AKAP13: variants seen among roughly 807,000 people sequenced by gnomAD.
AKAP13 encodes A-kinase anchor protein 13.
A neutral mutation model predicts 264.5 loss-of-function variants in AKAP13; 80 were observed. That is an observed-to-expected ratio of 0.30 (90% CI 0.25 to 0.36). The LOEUF is 0.36. Ranked by LOEUF, AKAP13 falls within the 10% of genes least tolerant of loss-of-function variation. The pLI is 1.00. For synonymous variants in AKAP13, 1,380 were observed against 1,250.2 expected (o/e 1.10, Z -2.19); for missense variants, 3,712 against 3,435.2 (o/e 1.08, Z -2.01).
intron 6 of AKAP13, 45 bp from the exon 7 acceptor site, chr15:85,578,885 T>C (rs2079104014): frequency 8.9e-6 from 14 of 1,571,190 alleles, no homozygotes; most frequent in Non-Finnish European, 1.2e-5. Context: ...AGTGACATCT[T>C]CTCCTACAGG....
rs2076476145 is a variant in AKAP13, at chr15:85,512,813, T to TATG, written c.34-8615_34-8614insATG. On this transcript the variant is annotated intron_variant, in intron 2 of 36. Coordinates refer to ENST00000394518, the MANE Select transcript of AKAP13 (RefSeq NM_007200.5). ...CATGCTCCTACAGTGTTGACTATTT[T>TATG]TATGTATGTATGTATGTATGTATGT... Among the ~76,000 whole-genome samples the TATG allele has an allele frequency of 4.8e-5, 7 of 145,746 alleles. 1 individual carries two copies. Among genetic ancestry groups the TATG allele is most frequent in the Non-Finnish European group, 1.0e-4 (7 of 66,846 alleles).
At chr15:85,453,200 G>A (rs908438429) in intron 1 of AKAP13, among the ~76,000 whole-genome samples, 3 of 152,192 alleles carry the variant, frequency 2.0e-5, no homozygotes, top group Non-Finnish European at 4.4e-5. Context: ...TTCCACAGTA[G>A]AGTCAGTGGC....
chr15:85,521,057 C>A (rs1179876361), intron 2 of AKAP13, among the ~76,000 whole-genome samples: 1 of 151,950 alleles, frequency 6.6e-6, no homozygotes. Context: ...TTTATTATAC[C>A]CCCTCCATCC....
intron 1 of AKAP13, among the ~76,000 whole-genome samples, chr15:85,419,554 A>G (rs1303091021): frequency 6.6e-6 from 1 of 152,212 alleles, no homozygotes; most frequent in Admixed American, 6.5e-5. Flanking sequence ...TAAGAGTGAA[A>G]GATTCTTGGT....
chr15:85,662,971 A>G (rs1377478214), intron 12 of AKAP13, among the ~76,000 whole-genome samples: 3 of 152,204 alleles, frequency 2.0e-5, no homozygotes, highest in Non-Finnish European at 4.4e-5. Flanking sequence ...CTTTTCAAGT[A>G]ATTTCTTCTT....
intron 1 of AKAP13, among the ~76,000 whole-genome samples, chr15:85,424,252 T>C (rs1356072628): frequency 6.6e-6 from 1 of 152,252 alleles, no homozygotes; most frequent in Non-Finnish European, 1.5e-5. Context: ...TAAGGCTGTT[T>C]TGTCTACATT....
At chr15:85,666,926 A>G (rs2083635959) in intron 13 of AKAP13, among the ~76,000 whole-genome samples, 1 of 152,174 alleles carries the variant, frequency 6.6e-6, no homozygotes, top group African/African-American at 2.4e-5. Context: ...TTGCTTTTAT[A>G]TCATTGTACC....
At chr15:85,486,710 G>A (rs959927704) in intron 2 of AKAP13, among the ~76,000 whole-genome samples, 3 of 134,976 alleles carry the variant, frequency 2.2e-5, no homozygotes, top group African/African-American at 8.2e-5. Context: ...TGATGGTATT[G>A]TTAATTTTGT....
At chr15:85,567,379 T>A (rs1024712307) in intron 5 of AKAP13, among the ~76,000 whole-genome samples, 1 of 152,234 alleles carries the variant, frequency 6.6e-6, no homozygotes, top group Non-Finnish European at 1.5e-5. Context: ...GTGCTGAGAT[T>A]GCAGGCGTGA....
chr15:85,740,314 AG>A, intron 34 of AKAP13, 42 bp downstream of exon 34: 1 of 1,609,784 alleles, frequency 6.2e-7, no homozygotes, highest in Non-Finnish European at 8.5e-7. Context: ...ATTTGTCTAG[AG>A]AACAGCAGCT....
At position 85,469,344 on chromosome 15, in the gene AKAP13, G is replaced by A. The variant is rs147390990; in HGVS notation, c.-11-16366G>A. Among the ~76,000 whole-genome samples, 235 of 152,214 alleles carry A rather than the reference G, an allele frequency of 1.5e-3. 1 individual carries two copies. The highest frequency in any genetic ancestry group is 6.8e-3 in the Middle Eastern group (2 of 294). ...TGCCTTCTAGAATAGATAGACCTGA[G>A]GTTAGGGCTGTAGTTGCTATGTACA... On this transcript the variant is annotated intron_variant, in intron 1 of 36. Coordinates refer to ENST00000394518, the MANE Select transcript of AKAP13 (RefSeq NM_007200.5).
intron 1 of AKAP13, among the ~76,000 whole-genome samples, chr15:85,419,365 C>G (rs556168768): frequency 1.3e-5 from 2 of 152,122 alleles, no homozygotes. Flanking sequence ...AAAGACTCAC[C>G]GATCATACTG....
intron 1 of AKAP13, among the ~76,000 whole-genome samples, chr15:85,384,659 A>G (rs143885444): frequency 4.0e-5 from 6 of 151,396 alleles, no homozygotes; most frequent in African/African-American, 1.2e-4. Context: ...GGAGGTTGCA[A>G]TGAGCCGAGA....
intron 1 of AKAP13, among the ~76,000 whole-genome samples, chr15:85,411,716 C>T (rs1039214922): frequency 1.3e-5 from 2 of 152,222 alleles, no homozygotes; most frequent in African/African-American, 2.4e-5. Flanking sequence ...GGATTACAGG[C>T]GTGAGCCACC....
At position 85,737,475 on chromosome 15, in the gene AKAP13, T is replaced by G. The variant is rs115120676; in HGVS notation, c.7557+1341T>G. Reference sequence around the variant, plus strand: ...TGTTGACTGTGTTTCTTCTTTTTCTTGTCCTTGCTTTTAACGTTAAGTTAA... The same window carrying G: ...TGTTGACTGTGTTTCTTCTTTTTCTGGTCCTTGCTTTTAACGTTAAGTTAA... On this transcript the variant is annotated intron_variant, in intron 33 of 36. Coordinates refer to ENST00000394518, the MANE Select transcript of AKAP13 (RefSeq NM_007200.5). Among the ~76,000 whole-genome samples, 984 of 152,364 alleles carry G rather than the reference T, an allele frequency of 6.5e-3. 12 individuals are homozygous for G. Among genetic ancestry groups the G allele is most frequent in the African/African-American group, 0.02 (834 of 41,582 alleles).
intron 16 of AKAP13, 97 bp from the exon 17 acceptor site, chr15:85,693,180 A>G (rs2085385577): frequency 1.4e-6 from 2 of 1,413,236 alleles, no homozygotes; most frequent in Non-Finnish European, 1.8e-6. Flanking sequence ...CAAAATAGTC[A>G]CCAGCTGTTG....
At chr15:85,598,301 G>A (rs1259168088) in intron 8 of AKAP13, among the ~76,000 whole-genome samples, 1 of 152,150 alleles carries the variant, frequency 6.6e-6, no homozygotes, top group African/African-American at 2.4e-5. Flanking sequence ...ATGATGAGAA[G>A]CATCAGAGCC....
intron 8 of AKAP13, chr15:85,619,777 T>C (rs2081093039): frequency 1.9e-6 from 2 of 1,075,288 alleles, no homozygotes; most frequent in Non-Finnish European, 2.3e-6. Context: ...TTTGCTTCTC[T>C]TTCAGTCAAG....
intron 1 of AKAP13, among the ~76,000 whole-genome samples, chr15:85,467,057 A>G (rs936983947): frequency 1.4e-5 from 2 of 142,944 alleles, no homozygotes; most frequent in South Asian, 2.3e-4. Flanking sequence ...TGGATACTAC[A>G]TCTATTATTG....
Sources: gnomAD v4.1 joint callset for allele counts (sites outside exome capture counted in the v4.1 genomes callset) on GRCh38, gnomAD v4.1.1 for gene constraint, MANE v1.5 for transcripts, NCBI Gene and HGNC (gene_info 2026-07-23, HGNC 2026-07-21) for gene names.